Variants in TSHZ3 observed in about 807,000 individuals in gnomAD.
TSHZ3 encodes teashirt zinc finger homeobox 3, also known as teashirt homolog 3.
In TSHZ3, 10 loss-of-function variants were observed where a neutral mutation model predicts 64.5. The observed-to-expected ratio is 0.16, with a 90% CI of 0.10 to 0.26. The LOEUF (loss-of-function observed/expected upper bound fraction) is 0.26, where lower values mean the gene tolerates loss of function less well. Among genes scored for constraint, TSHZ3 ranks in the 10% least tolerant of loss-of-function variants. The pLI, the probability that TSHZ3 is intolerant of heterozygous loss-of-function variation, is 1.00. For missense variants in TSHZ3, 1,242 were observed against 1,421.7 expected, an observed-to-expected ratio of 0.87 and a Z score of 2.03; for synonymous variants, 608 against 593.1, an observed-to-expected ratio of 1.03 and a Z score of -0.36.
intron 5 of TSHZ3, among the ~76,000 whole-genome samples, chr19:31,196,723 A>G (rs1974999197): frequency 6.6e-6 from 1 of 152,006 alleles, no homozygotes; most frequent in Non-Finnish European, 1.5e-5. Context: ...AAAGAATGGC[A>G]TTGCATAATG....
At chr19:31,152,475 A>G (rs1974254642) in intron 6 of TSHZ3, among the ~76,000 whole-genome samples, 1 of 152,116 alleles carries the variant, frequency 6.6e-6, no homozygotes, top group Admixed American at 6.6e-5. Flanking sequence ...GAATAAATAA[A>G]TACTGTAAGT....
intron 1 of TSHZ3, among the ~76,000 whole-genome samples, chr19:31,266,086 G>T (rs1976050465): frequency 6.6e-6 from 1 of 152,192 alleles, no homozygotes; most frequent in Non-Finnish European, 1.5e-5. Flanking sequence ...GGAGAGCAGT[G>T]TTTGTTAACT....
intron 1 of TSHZ3, among the ~76,000 whole-genome samples, chr19:31,264,636 C>A (rs1214223883): frequency 2.0e-5 from 3 of 152,138 alleles, no homozygotes; most frequent in African/African-American, 7.2e-5. Context: ...TCCGGAGATG[C>A]CAGAAATCTC....
intron 1 of TSHZ3, among the ~76,000 whole-genome samples, chr19:31,338,818 T>C (rs1025874475): frequency 2.0e-5 from 3 of 150,938 alleles, no homozygotes; most frequent in Non-Finnish European, 4.4e-5. Context: ...CTCCATCTTT[T>C]TTTTCTTTCT....
intron 5 of TSHZ3, among the ~76,000 whole-genome samples, chr19:31,185,683 A>G (rs573488435): frequency 6.6e-6 from 1 of 152,296 alleles, no homozygotes; most frequent in South Asian, 2.1e-4. Context: ...TCAAGGTATA[A>G]TTTGCATATA....
At chr19:31,154,909 G>A (rs1002248714) in intron 6 of TSHZ3, among the ~76,000 whole-genome samples, 1 of 152,212 alleles carries the variant, frequency 6.6e-6, no homozygotes, top group African/African-American at 2.4e-5. Flanking sequence ...CTCGGCACTT[G>A]CCATGTGTTG....
intron 5 of TSHZ3, among the ~76,000 whole-genome samples, chr19:31,184,382 G>A (rs746921919): frequency 2.9e-4 from 44 of 152,000 alleles, no homozygotes; most frequent in African/African-American, 3.6e-4. Context: ...AAAATTGTTC[G>A]TCCTTGTATT....
intron 5 of TSHZ3, among the ~76,000 whole-genome samples, chr19:31,163,660 C>T (rs889005102): frequency 4.6e-5 from 7 of 152,106 alleles, no homozygotes; most frequent in Non-Finnish European, 8.8e-5. Context: ...GAACCTGGGA[C>T]GCAGAGGTTT....
At chr19:31,325,057 G>C (rs1916891335) in intron 1 of TSHZ3, among the ~76,000 whole-genome samples, 1 of 152,330 alleles carries the variant, frequency 6.6e-6, no homozygotes, top group Middle Eastern at 3.4e-3. Flanking sequence ...CATTATCTAA[G>C]AAGCTCCGCG....
intron 5 of TSHZ3, among the ~76,000 whole-genome samples, chr19:31,196,162 G>T (rs1974990550): frequency 6.6e-6 from 1 of 151,830 alleles, no homozygotes; most frequent in African/African-American, 2.4e-5. Context: ...GGAAGAATTA[G>T]GAGTATTTTG....
At chr19:31,220,759 G>C (rs1010867014) in intron 4 of TSHZ3, among the ~76,000 whole-genome samples, 1 of 152,144 alleles carries the variant, frequency 6.6e-6, no homozygotes, top group African/African-American at 2.4e-5. Context: ...CTAACACCGA[G>C]TCACATGACC....
At position 31,175,846 on chromosome 19, in the gene TSHZ3, G is replaced by A. The variant is rs908952704; in HGVS notation, n.810-19429C>T. On this transcript the variant is annotated intron_variant and non_coding_transcript_variant, in intron 5 of 6. Coordinates refer to the TSHZ3 transcript ENST00000651361. ...TCCTGTCCCTGAGCACTGCAGGCCT[G>A]GCTGGCATCAGCCTTTACTTAGCCC... Among the ~76,000 whole-genome samples, 10 of 152,238 alleles carry A rather than the reference G, an allele frequency of 6.6e-5. No individual in the cohort carries two copies. In the East Asian group the frequency reaches 7.7e-4, roughly 12 times the overall value.
chr19:31,155,819 T>C (rs943576876), intron 6 of TSHZ3, among the ~76,000 whole-genome samples: 2 of 152,206 alleles, frequency 1.3e-5, no homozygotes, highest in African/African-American at 4.8e-5. Context: ...TAACTTGTTT[T>C]CCAGGACACC....
At chr19:31,222,119 G>C (rs765106745) in intron 4 of TSHZ3, among the ~76,000 whole-genome samples, 6 of 152,300 alleles carry the variant, frequency 3.9e-5, no homozygotes, top group Admixed American at 3.9e-4. Flanking sequence ...GAGCCTCATA[G>C]AGATTTCCCA....
chr19:31,342,653 T>C (rs1917472034), intron 1 of TSHZ3, among the ~76,000 whole-genome samples: 1 of 152,236 alleles, frequency 6.6e-6, no homozygotes, highest in African/African-American at 2.4e-5. Flanking sequence ...TAGGACTAGA[T>C]TTAATGATGG....
chr19:31,278,149 G>A lies in TSHZ3; in HGVS notation c.1644C>T (p.Pro548=), dbSNP rs1445996158. Residue 548 remains proline, a synonymous_variant, in exon 2 of 2, where the codon CCC becomes CCT. Coordinates refer to ENST00000240587, the MANE Select transcript of TSHZ3 (RefSeq NM_020856.4). This position sits in a 1 kb window ranked among gnomAD's most constrained non-coding sequence, Gnocchi z 4.7. ...QNGTPSWGGY[P]SIHAAYQLPN... Reference sequence around the variant, plus strand: ...GAAGTTGGTAGGCGGCATGGATGCTGGGATAGCCCCCCCAGCTAGGAGTGC... The same window carrying A: ...GAAGTTGGTAGGCGGCATGGATGCTAGGATAGCCCCCCCAGCTAGGAGTGC... 1 of 1,614,056 alleles carries A rather than the reference G, an allele frequency of 6.2e-7. No individual in the cohort carries two copies. The highest frequency in any genetic ancestry group is 1.3e-5 in the African/African-American group (1 of 74,916).
At chr19:31,256,154 T>C (rs1975907357) in intron 1 of TSHZ3, among the ~76,000 whole-genome samples, 1 of 152,074 alleles carries the variant, frequency 6.6e-6, no homozygotes, top group Non-Finnish European at 1.5e-5. Context: ...AAAGTGACTT[T>C]CCCCTCATAG....
intron 5 of TSHZ3, among the ~76,000 whole-genome samples, chr19:31,179,491 G>T (rs534538521): frequency 2.8e-4 from 42 of 152,346 alleles, no homozygotes; most frequent in Admixed American, 3.9e-4. Context: ...GTACAGAGCA[G>T]GGTGGAGGAA....
At chr19:31,209,143 C>T (rs1436120639) in intron 4 of TSHZ3, among the ~76,000 whole-genome samples, 2 of 152,164 alleles carry the variant, frequency 1.3e-5, no homozygotes, top group Non-Finnish European at 2.9e-5. Flanking sequence ...GACCTTATGA[C>T]TCCATGTAGA....
Sources: gnomAD v4.1 joint callset for allele counts (sites outside exome capture counted in the v4.1 genomes callset) on GRCh38, gnomAD v4.1.1 for gene constraint, Gnocchi (gnomAD v3.1) non-coding constraint, MANE v1.5 for transcripts, NCBI Gene and HGNC (gene_info 2026-07-23, HGNC 2026-07-21) for gene names.